The following GNPDA2 variants were observed in gnomAD, a reference collection of about 807,000 sequenced individuals.
The protein encoded by GNPDA2 is glcN6P deaminase 2.
Under a neutral mutation model 27.0 loss-of-function variants are expected in GNPDA2, and 24 were observed. That is an observed-to-expected ratio of 0.89 (90% CI 0.64 to 1.25). GNPDA2 has a LOEUF of 1.25. Ranked by LOEUF, GNPDA2 falls within the 50% of genes most tolerant of loss-of-function variation. The pLI, the probability that GNPDA2 is intolerant of heterozygous loss-of-function variation, is 0.00. For synonymous variants in GNPDA2, 94 were observed against 108.4 expected (o/e 0.87, Z 0.83); for missense variants, 286 against 335.1 (o/e 0.85, Z 1.14).
At chr4:44,708,060 C>G (rs933396400) in intron 5 of GNPDA2, 134 bp from the exon 6 acceptor site, 2 of 529,598 alleles carry the variant, frequency 3.8e-6, no homozygotes, top group Non-Finnish European at 6.5e-6. Flanking sequence ...CATAATAGTT[C>G]AAGGTATTCA....
chr4:44,724,995 T>C (rs1717922992), intron 1 of GNPDA2, among the ~76,000 whole-genome samples: 1 of 152,172 alleles, frequency 6.6e-6, no homozygotes, highest in Admixed American at 6.5e-5. Context: ...TATTTACTTC[T>C]AACAAGAATA....
In GNPDA2 at chr4:44,708,610, A is replaced by G. The variant is rs183066523; in HGVS notation, c.595-684T>C. Among the ~76,000 whole-genome samples, 255 of 152,272 alleles carry G rather than the reference A, an allele frequency of 1.7e-3. 2 individuals carry two copies. The highest frequency in any genetic ancestry group is 1.6e-3 in the Non-Finnish European group (106 of 67,994). Reference sequence around the variant, plus strand: ...CCCTAAATGCCAATGAAATAATGCAATGACATGTTGCAAATGTGAATGTGT... The same window carrying G: ...CCCTAAATGCCAATGAAATAATGCAGTGACATGTTGCAAATGTGAATGTGT... On this transcript the variant is annotated intron_variant, in intron 5 of 6. Coordinates refer to ENST00000295448, the MANE Select transcript of GNPDA2 (RefSeq NM_138335.3).
Position 44,711,081 on chromosome 4 carries a change from T to C in GNPDA2, c.466A>G (p.Arg156Gly), listed in dbSNP as rs1716947840. Residue 156 changes from arginine (R) to glycine (G), a missense_variant, in exon 5 of 7, where the codon AGG becomes GGG. Transcript: ENST00000295448. ...ATTGCTAGAGTCTTTAATCTTGTCC[T>C]TGACACTAAACTGGATCCAGGCTCA... is the stretch of plus-strand genomic sequence containing the variant. ...FNEPGSSLVS[R>G]TRLKTLAMDT... The C allele has an allele frequency of 6.2e-7, 1 of 1,612,198 alleles. No homozygotes were observed. The highest frequency in any genetic ancestry group is 8.5e-7 in the Non-Finnish European group (1 of 1,179,348).
chr4:44,705,185 T>C (rs1011902205), intron 6 of GNPDA2: 103 of 982,822 alleles, frequency 1.0e-4, no homozygotes, highest in Non-Finnish European at 1.2e-4. Flanking sequence ...TGAAGAGTTA[T>C]GGATGACAAT....
In GNPDA2 at chr4:44,712,408, T is replaced by C. The variant is rs147989920; in HGVS notation, c.410-1271A>G. On this transcript the variant is annotated intron_variant, in intron 4 of 6. Transcript: ENST00000295448. ...GAAAAATGAAGAAATGAATACTCTA[T>C]TGAAGCAAGTACAGAATGCCAAAGT... Among the ~76,000 whole-genome samples the C allele has an allele frequency of 3.3e-3, 503 of 152,268 alleles. 1 individual carries two copies. Among genetic ancestry groups the C allele is most frequent in the African/African-American group, 0.011 (470 of 41,570 alleles).
intron 1 of GNPDA2, among the ~76,000 whole-genome samples, chr4:44,724,119 A>C (rs1717859854): frequency 6.6e-6 from 1 of 152,022 alleles, no homozygotes; most frequent in Non-Finnish European, 1.5e-5. Flanking sequence ...GTCTAGCTTT[A>C]GGAAGTTTGC....
At chr4:44,720,024 C>G (rs1283709010) in intron 2 of GNPDA2, among the ~76,000 whole-genome samples, 1 of 152,044 alleles carries the variant, frequency 6.6e-6, no homozygotes, top group East Asian at 1.9e-4. Flanking sequence ...ATAAAAAAGA[C>G]TACAATCTTG....
At chr4:44,709,800 C>CAAAAA (rs36001584) in intron 5 of GNPDA2, among the ~76,000 whole-genome samples, 1 of 145,360 alleles carries the variant, frequency 6.9e-6, no homozygotes, top group African/African-American at 2.6e-5. Flanking sequence ...TTGTCACTTC[C>CAAAAA]AAAAAAAAAA....
intron 5 of GNPDA2, among the ~76,000 whole-genome samples, chr4:44,709,892 C>T (rs548216979): frequency 6.6e-6 from 1 of 151,976 alleles, no homozygotes; most frequent in African/African-American, 2.4e-5. Flanking sequence ...GTGGGAAGAT[C>T]TCTTGAGCCC....
Position 44,718,397 on chromosome 4 carries a change from T to C in GNPDA2, c.138A>G (p.Leu46=). 1 of 1,306,716 alleles carries C rather than the reference T, an allele frequency of 7.7e-7. No individual in the cohort carries two copies. Among genetic ancestry groups the C allele is most frequent in the Non-Finnish European group, 1.1e-6 (1 of 945,912 alleles). The allele number at this position is 1,306,716 out of a possible 1,614,324, so 80.9% of individuals were successfully genotyped here. ...ATTCTATTAGTTTTTTATAGCATCC[T>C]AAAGGTGTACTCCCTAAAAGACATA... is the stretch of plus-strand genomic sequence containing the variant. ...TLGLPTGSTP[L]GCYKKLIEYH... The change falls in exon 3 of 7, where the codon TTA becomes TTG. Residue 46 remains leucine (L), a synonymous_variant. Transcript: ENST00000295448.
At chr4:44,719,768 TG>T (rs1717553383) in intron 2 of GNPDA2, among the ~76,000 whole-genome samples, 1 of 151,344 alleles carries the variant, frequency 6.6e-6, no homozygotes, top group South Asian at 2.1e-4. Context: ...TTGTAATCAA[TG>T]TGGCCAAAAA....
At chr4:44,722,865 T>C (rs1717766228) in intron 1 of GNPDA2, among the ~76,000 whole-genome samples, 1 of 152,142 alleles carries the variant, frequency 6.6e-6, no homozygotes. Context: ...CAGTTATAGA[T>C]GAGGAAATGG....
intron 2 of GNPDA2, among the ~76,000 whole-genome samples, chr4:44,721,097 T>C (rs1332406145): frequency 1.3e-5 from 2 of 151,486 alleles, no homozygotes; most frequent in Admixed American, 1.3e-4. Flanking sequence ...CAAGATCTAC[T>C]GCCCTGGACC....
Position 44,702,940 on chromosome 4 carries a change from A to G in GNPDA2, c.*141T>C. On this transcript the variant is annotated 3_prime_UTR_variant, in exon 7 of 7. Transcript: ENST00000295448. ...AAGATATAAATATTCAAAATATGGA[A>G]TGTTTAACATAGAGACTCGAATGAA... 2 of 1,481,804 alleles carry G rather than the reference A, an allele frequency of 1.3e-6. No homozygotes were observed. The highest frequency in any genetic ancestry group is 1.8e-6 in the Non-Finnish European group (2 of 1,126,026). The allele number at this position is 1,481,804 out of a possible 1,614,324, so 91.8% of individuals were successfully genotyped here.
At chr4:44,714,519 T>C in intron 4 of GNPDA2, 1 of 985,388 alleles carries the variant, frequency 1.0e-6, no homozygotes, top group Non-Finnish European at 1.2e-6. Context: ...CATTCTACTG[T>C]TTCCAATTCA....
intron 2 of GNPDA2, among the ~76,000 whole-genome samples, 166 bp downstream of exon 2, chr4:44,721,918 A>G (rs1577596634): frequency 6.6e-6 from 1 of 152,200 alleles, no homozygotes; most frequent in East Asian, 1.9e-4. Flanking sequence ...CATTGTAGAT[A>G]GTAGATTTTA....
rs1716315278 is a variant in GNPDA2 at position 44,702,224 on chromosome 4, A to G, written c.*857T>C. On this transcript the variant is annotated 3_prime_UTR_variant, in exon 7 of 7. Transcript: ENST00000295448. Reference sequence around the variant, plus strand: ...TACTTTTATGTAAATTGCTATGGCAATGTAGTTTACAGTAATTCCTTTTAT... The same window carrying G: ...TACTTTTATGTAAATTGCTATGGCAGTGTAGTTTACAGTAATTCCTTTTAT... 2 of 731,122 alleles carry G rather than the reference A, an allele frequency of 2.7e-6. No homozygotes were observed. Among genetic ancestry groups the G allele is most frequent in the Admixed American group, 6.3e-5 (1 of 15,928 alleles). The allele number at this position is 731,122 out of a possible 1,614,324, so 45.3% of individuals were successfully genotyped here.
intron 6 of GNPDA2, chr4:44,705,143 A>G (rs1716511312): frequency 1.0e-6 from 1 of 984,852 alleles, no homozygotes; most frequent in Non-Finnish European, 1.2e-6. Context: ...TTTAGTGATG[A>G]CAGAAGAAAG....
chr4:44,705,249 A>G (rs902282653), intron 6 of GNPDA2: 42 of 980,414 alleles, frequency 4.3e-5, no homozygotes, highest in Non-Finnish European at 5.0e-5. Flanking sequence ...CAATGGAGGT[A>G]TGAAAAGTAT....
Sources: gnomAD v4.1 joint callset for allele counts (sites outside exome capture counted in the v4.1 genomes callset) on GRCh38, gnomAD v4.1.1 for gene constraint, MANE v1.5 for transcripts, NCBI Gene and HGNC (gene_info 2026-07-23, HGNC 2026-07-21) for gene names.